COG4: variants seen among roughly 807,000 people sequenced by gnomAD.
The protein encoded by COG4 is conserved oligomeric Golgi complex subunit 4.
In COG4, 65 loss-of-function variants were observed where a neutral mutation model predicts 95.1. The observed-to-expected ratio is 0.68, with a 90% CI of 0.56 to 0.84. COG4 has a LOEUF of 0.84. Ranked by LOEUF, COG4 falls within the 40% of genes least tolerant of loss-of-function variation. The pLI is 0.00. For synonymous variants in COG4, 421 were observed against 374.8 expected (o/e 1.12, Z -1.42); for missense variants, 1,045 against 989.1 (o/e 1.06, Z -0.76).
At position 70,480,993 on chromosome 16, in the gene COG4, T is replaced by G. The variant is rs780321299; in HGVS notation, c.*17A>C. 2 of 1,611,256 alleles carry G rather than the reference T, an allele frequency of 1.2e-6. No individual in the cohort carries two copies. The highest frequency in any genetic ancestry group is 2.2e-5 in the South Asian group (2 of 91,012). On this transcript the variant is annotated 3_prime_UTR_variant, in exon 19 of 19. Coordinates refer to ENST00000323786, the MANE Select transcript of COG4 (RefSeq NM_015386.3). ...AGGCCTGCAAGTGTGATGAGCCAGG[T>G]GTGCTCATCCAGGCAGCTACAGGCG...
chr16:70,504,768 G>A (rs1406825040), intron 8 of COG4, among the ~76,000 whole-genome samples: 1 of 151,868 alleles, frequency 6.6e-6, no homozygotes, highest in African/African-American at 2.4e-5. Context: ...AAATTTGCCA[G>A]GCACACTGGT....
intron 9 of COG4, among the ~76,000 whole-genome samples, chr16:70,500,026 G>A (rs2049416187): frequency 1.3e-5 from 2 of 151,756 alleles, no homozygotes; most frequent in Admixed American, 1.3e-4. Flanking sequence ...TTAGAGATGG[G>A]GTTTCACTAT....
chr16:70,482,521 G>C (rs2049019704), intron 15 of COG4: 1 of 636,910 alleles, frequency 1.6e-6, no homozygotes, highest in South Asian at 1.8e-5. Flanking sequence ...GAATAAGTTA[G>C]GTCAAGGCAA....
intron 4 of COG4, among the ~76,000 whole-genome samples, chr16:70,512,924 G>C (rs1252188424): frequency 6.6e-6 from 1 of 152,206 alleles, no homozygotes. Flanking sequence ...GTTGCAGTGA[G>C]CCAAGATCAT....
At chr16:70,481,687 G>A (rs980701854) in intron 17 of COG4, 77 bp downstream of exon 17, 6 of 1,404,458 alleles carry the variant, frequency 4.3e-6, no homozygotes, top group Non-Finnish European at 5.0e-6. Flanking sequence ...GGGGATGCAA[G>A]TCCTGGGGGT....
At chr16:70,493,929 A>G (rs965486658) in intron 12 of COG4, among the ~76,000 whole-genome samples, 1 of 152,126 alleles carries the variant, frequency 6.6e-6, no homozygotes, top group African/African-American at 2.4e-5. Context: ...AGTCTTCGAG[A>G]CATGAGTCAG....
rs773432084 is a variant in COG4 at position 70,481,802 on chromosome 16, C to G, written c.2068G>C (p.Glu690Gln). The G allele has an allele frequency of 6.8e-6, 11 of 1,614,066 alleles. No individual in the cohort carries two copies. The highest frequency in any genetic ancestry group is 9.3e-6 in the Non-Finnish European group (11 of 1,180,016). ...GATTTCAGCACCACTTTCTCCAACT[C>G]GACGGCAACAAGGCTAGTCATGAGG... ...TGLMTSLVAV[E>Q]LEKVVLKSTF... Residue 690 changes from glutamate (E) to glutamine (Q), a missense_variant, in exon 17 of 19, where the codon GAG becomes CAG. Coordinates refer to ENST00000323786, the MANE Select transcript of COG4 (RefSeq NM_015386.3).
At chr16:70,488,142 TTTTTC>T (rs1567724256) in intron 13 of COG4, among the ~76,000 whole-genome samples, 1 of 151,210 alleles carries the variant, frequency 6.6e-6, no homozygotes, top group Non-Finnish European at 1.5e-5. Flanking sequence ...TTACCTTTTT[TTTTTC>T]TTTTGAGATG....
At position 70,490,294 on chromosome 16, in the gene COG4, T is replaced by C. The variant is rs376653401; in HGVS notation, c.1710+36A>G. On this transcript the variant is annotated intron_variant, in intron 13 of 18. Transcript: ENST00000323786. ...GGCTCTATCTCAACATGGGAAAAGA[T>C]GGCTGCTGACCACTGATAGGCAATT... 43 of 1,546,788 alleles carry C rather than the reference T, an allele frequency of 2.8e-5. 1 individual carries two copies. The South Asian group carries it at 3.1e-4, about 11-fold the overall frequency.
chr16:70,493,522 T>C (rs2049285575), intron 12 of COG4, among the ~76,000 whole-genome samples: 1 of 152,128 alleles, frequency 6.6e-6, no homozygotes, highest in Non-Finnish European at 1.5e-5. Context: ...TCTCAATAAA[T>C]ATTTGTGCAA....
intron 13 of COG4, among the ~76,000 whole-genome samples, chr16:70,486,024 T>C (rs934044148): frequency 5.3e-5 from 8 of 152,010 alleles, no homozygotes; most frequent in African/African-American, 7.2e-5. Context: ...GTCTCCCAAG[T>C]AGCTGGGACT....
At chr16:70,513,097 C>A (rs1433574240) in intron 4 of COG4, among the ~76,000 whole-genome samples, 2 of 152,194 alleles carry the variant, frequency 1.3e-5, no homozygotes, top group African/African-American at 4.8e-5. Flanking sequence ...CACAGGAGAA[C>A]AAACATTCCA....
intron 1 of COG4, among the ~76,000 whole-genome samples, chr16:70,522,281 C>T (rs1411896120): frequency 6.6e-6 from 1 of 152,148 alleles, no homozygotes; most frequent in Non-Finnish European, 1.5e-5. Context: ...AGGCGTGAGC[C>T]ACCGCGCCCC....
intron 14 of COG4, 54 bp from the exon 15 acceptor site, chr16:70,482,875 C>T (rs1464172143): frequency 2.8e-5 from 38 of 1,355,012 alleles, no homozygotes; most frequent in Non-Finnish European, 3.9e-5. Context: ...CTCATCCCTT[C>T]CCTCTCTCTT....
At chr16:70,514,275 C>T (rs959840711) in intron 4 of COG4, 60 bp downstream of exon 4, 11 of 1,498,100 alleles carry the variant, frequency 7.3e-6, no homozygotes, top group Admixed American at 6.8e-5. Context: ...GTCGAGTCTG[C>T]TTACTTCAGA....
At chr16:70,504,616 A>T (rs2049522226) in intron 8 of COG4, among the ~76,000 whole-genome samples, 1 of 66,250 alleles carries the variant, frequency 1.5e-5, no homozygotes, top group Non-Finnish European at 3.6e-5. Flanking sequence ...ATTTAAAAAA[A>T]AAAAAAAAAA....
intron 8 of COG4, among the ~76,000 whole-genome samples, chr16:70,507,043 C>A (rs953826549): frequency 1.3e-5 from 2 of 151,946 alleles, no homozygotes; most frequent in African/African-American, 4.8e-5. Context: ...ATGGCAAAAC[C>A]TCGTCTCTAC....
At chr16:70,508,194 C>T (rs1242125821) in intron 8 of COG4, among the ~76,000 whole-genome samples, 1 of 152,164 alleles carries the variant, frequency 6.6e-6, no homozygotes. Flanking sequence ...GCTGGGATTA[C>T]AGGTGTGAGC....
chr16:70,522,965 T>C, intron 1 of COG4: 1 of 215,384 alleles, frequency 4.6e-6, no homozygotes. Flanking sequence ...GAAGTTAATC[T>C]GCAAAGGCTT....
Sources: gnomAD v4.1 joint callset for allele counts (sites outside exome capture counted in the v4.1 genomes callset) on GRCh38, gnomAD v4.1.1 for gene constraint, MANE v1.5 for transcripts, NCBI Gene and HGNC (gene_info 2026-07-23, HGNC 2026-07-21) for gene names.